SPAG9: variants seen among roughly 807,000 people sequenced by gnomAD.
The protein encoded by SPAG9 is C-Jun-amino-terminal kinase-interacting protein 4.
In SPAG9, 35 loss-of-function variants were observed where a neutral mutation model predicts 166.5. The ratio of observed to expected loss-of-function variants is 0.21; its 90% CI spans 0.16 to 0.28. The LOEUF is 0.28. SPAG9 is among the 10% of genes least tolerant of loss of function. SPAG9 has a pLI of 1.00. For missense variants in SPAG9, 1,235 were observed against 1,603.3 expected (o/e 0.77, Z 3.92); for synonymous variants, 534 against 565.5 (o/e 0.94, Z 0.79).
chr17:50,992,501 C>T (rs1975673027), intron 19 of SPAG9, among the ~76,000 whole-genome samples: 1 of 151,822 alleles, frequency 6.6e-6, no homozygotes, highest in African/African-American at 2.4e-5. Flanking sequence ...TGAAACCCTG[C>T]CTACAAAAAG....
At chr17:51,086,457 A>G (rs1252643144) in intron 1 of SPAG9, among the ~76,000 whole-genome samples, 3 of 150,728 alleles carry the variant, frequency 2.0e-5, no homozygotes, top group African/African-American at 7.3e-5. Flanking sequence ...CCTGAGCAAC[A>G]TGGTGAGACC....
At chr17:51,095,689 T>G (rs1203409936) in intron 1 of SPAG9, among the ~76,000 whole-genome samples, 1 of 148,600 alleles carries the variant, frequency 6.7e-6, no homozygotes, top group African/African-American at 2.5e-5. Context: ...TATATAGTGA[T>G]ATATATATAG....
In SPAG9 at chr17:51,092,526, G is replaced by C. The variant is rs371423745; in HGVS notation, c.304-12822C>G. 5.7e-4 allele frequency among the ~76,000 whole-genome samples: 86 copies of C among 152,122 alleles called. 1 individual carries two copies. In the South Asian group the frequency reaches 0.016, roughly 28 times the overall value. On this transcript the variant is annotated intron_variant, in intron 1 of 29. Transcript: ENST00000262013. ...AAAGAGTAATTGTTTATAAGTTTTAGATGTGTTAATGGTGTTGTGGTTATA... is the reference window on the plus strand; with the variant it reads ...AAAGAGTAATTGTTTATAAGTTTTACATGTGTTAATGGTGTTGTGGTTATA...
chr17:50,974,782 AC>A lies in SPAG9; in HGVS notation c.3688del (p.Val1230TrpfsTer19). 6.3e-7 allele frequency: 1 copy of A among 1,598,896 alleles called. No homozygotes were observed. The highest frequency in any genetic ancestry group is 8.5e-7 in the Non-Finnish European group (1 of 1,175,990). On this transcript the variant is annotated frameshift_variant, in exon 28 of 30. Coordinates refer to ENST00000262013, the MANE Select transcript of SPAG9 (RefSeq NM_001130528.3). LOFTEE classifies it high-confidence loss of function. ...HGHRDAVKFF[V>X]AVPGQVISPQ... ...ATAATCTAACATACCTGGGACTGCC[AC>A]AAAGAATTTCACAGCATCCCGGTGC...
rs1026017935 is a variant in SPAG9 at position 51,001,628 on chromosome 17, A to G, written c.1607+87T>C. The G allele has an allele frequency of 1.7e-5, 23 of 1,316,252 alleles. No individual in the cohort carries two copies. In the African/African-American group the frequency reaches 3.4e-4, roughly 20 times the overall value. 81.5% of individuals were successfully genotyped at this position (1,316,252 alleles called of 1,614,324 possible). On this transcript the variant is annotated intron_variant, in intron 13 of 29. Transcript: ENST00000262013. ...AAACAGAGAAAGGGGCTTGGATCTT[A>G]CAGGGCAGGACTTAAGTTCCACATG... is the stretch of plus-strand genomic sequence containing the variant.
chr17:51,038,267 C>CA (rs2046697846), intron 5 of SPAG9, among the ~76,000 whole-genome samples: 1 of 152,044 alleles, frequency 6.6e-6, no homozygotes. Context: ...ATGGCATTTA[C>CA]AGACATGGAA....
chr17:50,974,451 T>C (rs1439530555), intron 28 of SPAG9, among the ~76,000 whole-genome samples: 2 of 152,220 alleles, frequency 1.3e-5, no homozygotes, highest in East Asian at 3.8e-4. Flanking sequence ...AGCTTCTTTC[T>C]AGTGATTTCT....
intron 1 of SPAG9, among the ~76,000 whole-genome samples, chr17:51,115,197 G>T (rs962170705): frequency 1.3e-5 from 2 of 152,010 alleles, no homozygotes; most frequent in African/African-American, 4.8e-5. Context: ...CTATTGTTTT[G>T]TTTTTTGGTA....
chr17:51,046,583 T>C (rs1408499556), intron 4 of SPAG9: 1 of 1,535,854 alleles, frequency 6.5e-7, no homozygotes, highest in South Asian at 1.2e-5. Context: ...CAGAGAGAGA[T>C]ACTAAGATAG....
At chr17:50,996,800 A>T in intron 15 of SPAG9, 106 bp from the exon 16 acceptor site, 1 of 1,088,216 alleles carries the variant, frequency 9.2e-7, no homozygotes, top group Non-Finnish European at 1.3e-6. Flanking sequence ...ACAAAAATTT[A>T]CATGATTTCA....
intron 1 of SPAG9, among the ~76,000 whole-genome samples, chr17:51,088,499 A>T (rs538658606): frequency 6.6e-6 from 1 of 152,316 alleles, no homozygotes; most frequent in African/African-American, 2.4e-5. Context: ...AATCTGCTTT[A>T]AAAAAGGGAA....
At chr17:51,023,903 C>T (rs1185548455) in intron 6 of SPAG9, among the ~76,000 whole-genome samples, 1 of 152,182 alleles carries the variant, frequency 6.6e-6, no homozygotes, top group Non-Finnish European at 1.5e-5. Flanking sequence ...TGGCCTCAAG[C>T]GATCTGCTGG....
Position 51,108,216 on chromosome 17 carries a change from G to A in SPAG9, c.303+12138C>T, listed in dbSNP as rs536013364. ...AGCATGGTCAACATGGCAAAACCCC[G>A]TCTCTACTAAAAATACAAAAATTAG... On this transcript the variant is annotated intron_variant, in intron 1 of 29. Transcript: ENST00000262013. Among the ~76,000 whole-genome samples, 21 of 151,796 alleles carry A rather than the reference G, an allele frequency of 1.4e-4. 1 individual carries two copies. The highest frequency in any genetic ancestry group is 2.6e-4 in the Admixed American group (4 of 15,194).
At chr17:51,015,510 C>T (rs962407300) in intron 8 of SPAG9, among the ~76,000 whole-genome samples, 3 of 151,874 alleles carry the variant, frequency 2.0e-5, no homozygotes, top group Non-Finnish European at 4.4e-5. Context: ...CCACAGAGTA[C>T]CAGATGTCTA....
intron 8 of SPAG9, among the ~76,000 whole-genome samples, chr17:51,019,054 G>T (rs572677259): frequency 6.6e-6 from 1 of 152,188 alleles, no homozygotes; most frequent in Admixed American, 6.5e-5. Flanking sequence ...ACAGGATTGG[G>T]GTCCTTATAG....
At position 50,993,796 on chromosome 17, in the gene SPAG9, T is replaced by G; in HGVS notation, c.2366A>C (p.Asn789Thr). ...GNILDSFTVCNSHVLCIASVP... is the reference protein window; with the variant it reads ...GNILDSFTVCTSHVLCIASVP... ...ACTTGCAATGCACAGAACATGAGAG[T>G]TGCAAACAGTGAAACTGTCTAGGAT... The change falls in exon 19 of 30, where the codon AAC becomes ACC. Residue 789 changes from asparagine (N) to threonine (T), a missense_variant. By Grantham distance (65) the Asn-to-Thr change is moderately conservative. Coordinates refer to ENST00000262013, the MANE Select transcript of SPAG9 (RefSeq NM_001130528.3). 3.1e-6 allele frequency: 5 copies of G among 1,614,028 alleles called. No homozygotes were observed. Among genetic ancestry groups the G allele is most frequent in the Non-Finnish European group, 4.2e-6 (5 of 1,179,986 alleles).
chr17:51,009,946 T>C (rs978609827), intron 9 of SPAG9, among the ~76,000 whole-genome samples: 1 of 152,154 alleles, frequency 6.6e-6, no homozygotes, highest in African/African-American at 2.4e-5. Context: ...TTTGAAATGA[T>C]CAATAACTCT....
At chr17:51,050,969 G>A (rs1485649475) in intron 3 of SPAG9, among the ~76,000 whole-genome samples, 4 of 147,574 alleles carry the variant, frequency 2.7e-5, no homozygotes, top group East Asian at 2.0e-4. Flanking sequence ...AGGAAAGAAC[G>A]AAGGGAGGGA....
rs2047986528 is a variant in SPAG9 at position 51,076,937 on chromosome 17, A to C, written c.424+2647T>G. On this transcript the variant is annotated intron_variant, in intron 2 of 29. Transcript: ENST00000262013. The stretch of plus-strand genomic sequence containing the variant: ...GCACTTTGAAGCCCAGAAGTGCGAG[A>C]CCAGCCTGGGCAACATAATGAGATC... Among the ~76,000 whole-genome samples, 7 of 151,764 alleles carry C rather than the reference A, an allele frequency of 4.6e-5. No individual in the cohort carries two copies. In the South Asian group the frequency reaches 1.5e-3, roughly 32 times the overall value.
Sources: gnomAD v4.1 joint callset for allele counts (sites outside exome capture counted in the v4.1 genomes callset) on GRCh38, gnomAD v4.1.1 for gene constraint, MANE v1.5 for transcripts, NCBI Gene and HGNC (gene_info 2026-07-23, HGNC 2026-07-21) for gene names.